Variants in UBXN2A observed in about 807,000 individuals in gnomAD.
UBXN2A encodes the protein UBX domain-containing protein 2A.
UBXN2A carries 28 observed loss-of-function variants against 28.4 expected under a neutral mutation model. The ratio of observed to expected loss-of-function variants is 0.99; its 90% CI spans 0.73 to 1.35. UBXN2A has a LOEUF of 1.35. UBXN2A is among the 40% of genes most tolerant of loss of function. The probability of loss-of-function intolerance (pLI) is 0.00; values close to 1 mark genes in which losing one functional copy is unlikely to be tolerated. For synonymous variants in UBXN2A, 97 were observed against 103.6 expected, an observed-to-expected ratio of 0.94 and a Z score of 0.39; for missense variants, 253 against 297.9, an observed-to-expected ratio of 0.85 and a Z score of 1.11.
chr2:23,971,267 C>T lies in UBXN2A; in HGVS notation c.42-9C>T, dbSNP rs769241736. The T allele has an allele frequency of 1.3e-6, 2 of 1,528,256 alleles. No individual in the cohort carries two copies. Among genetic ancestry groups the T allele is most frequent in the South Asian group, 1.3e-5 (1 of 75,504 alleles). 94.7% of individuals were successfully genotyped at this position (1,528,256 alleles called of 1,614,324 possible). On this transcript the variant is annotated splice_polypyrimidine_tract_variant and intron_variant, in intron 2 of 6. Transcript: ENST00000309033. ...GTTAATAGTGCCTGTTTTTCTTTAT[C>T]TTGTTTAGGGTTTGTGAAACAGGAT...
chr2:23,946,020 C>A (rs1477986274), intron 1 of UBXN2A, among the ~76,000 whole-genome samples: 2 of 151,822 alleles, frequency 1.3e-5, no homozygotes, highest in Non-Finnish European at 2.9e-5. Flanking sequence ...TTAGTAGGCA[C>A]AGGGTTTTGC....
At chr2:23,971,525 G>T in intron 3 of UBXN2A, 111 bp downstream of exon 3, 1 of 1,236,958 alleles carries the variant, frequency 8.1e-7, no homozygotes, top group Non-Finnish European at 1.1e-6. Flanking sequence ...GTCTTTCTCT[G>T]TCACCCAGAC....
chr2:24,000,140 T>G lies in UBXN2A; in HGVS notation c.*273T>G, dbSNP rs1428971149. 2.6e-6 allele frequency: 1 copy of G among 380,124 alleles called. No homozygotes were observed. Among genetic ancestry groups the G allele is most frequent in the African/African-American group, 2.1e-5 (1 of 48,620 alleles). The allele number at this position is 380,124 out of a possible 1,614,324, so 23.5% of individuals were successfully genotyped here. ...ATCAAGATATATTAAATAGCTGTAT[T>G]GTTTAGAATCTTAATATGGTATAAA... On this transcript the variant is annotated 3_prime_UTR_variant, in exon 7 of 7. Transcript: ENST00000309033.
At chr2:23,973,561 A>G (rs1175790198) in intron 3 of UBXN2A, among the ~76,000 whole-genome samples, 1 of 150,160 alleles carries the variant, frequency 6.7e-6, no homozygotes, top group Non-Finnish European at 1.5e-5. Context: ...GATGGTTTCA[A>G]TCTCCTGACC....
intron 1 of UBXN2A, among the ~76,000 whole-genome samples, chr2:23,932,010 CAAAAAA>C (rs959769962): frequency 7.6e-6 from 1 of 131,234 alleles, no homozygotes; most frequent in Non-Finnish European, 1.6e-5. Flanking sequence ...GACTCCGTCT[CAAAAAA>C]AAAAAAGAAA....
chr2:23,950,353 T>C (rs760602019), intron 1 of UBXN2A, among the ~76,000 whole-genome samples: 1 of 152,152 alleles, frequency 6.6e-6, no homozygotes, highest in Admixed American at 6.6e-5. Flanking sequence ...TTTGAGATAA[T>C]GAAGACCAGA....
chr2:23,957,856 T>G (rs1418991319), intron 1 of UBXN2A, among the ~76,000 whole-genome samples: 1 of 151,930 alleles, frequency 6.6e-6, no homozygotes, highest in East Asian at 1.9e-4. Flanking sequence ...AATAAATAAA[T>G]AATAAATGTG....
At chr2:23,959,419 G>C (rs1558288508) in intron 2 of UBXN2A, among the ~76,000 whole-genome samples, 1 of 152,082 alleles carries the variant, frequency 6.6e-6, no homozygotes, top group East Asian at 1.9e-4. Flanking sequence ...TTGAACCTTA[G>C]AGGTGGAGGT....
intron 3 of UBXN2A, among the ~76,000 whole-genome samples, chr2:23,976,263 T>G (rs915490451): frequency 1.3e-5 from 2 of 152,210 alleles, no homozygotes; most frequent in African/African-American, 4.8e-5. Flanking sequence ...AAGATTGCGG[T>G]GAAACCCTTC....
chr2:23,955,078 A>G (rs1325207485), intron 1 of UBXN2A, among the ~76,000 whole-genome samples: 1 of 151,762 alleles, frequency 6.6e-6, no homozygotes, highest in African/African-American at 2.4e-5. Context: ...GATTACAGGC[A>G]TGCACCGCCA....
chr2:23,970,853 G>A (rs1340224776), intron 2 of UBXN2A, among the ~76,000 whole-genome samples: 2 of 151,936 alleles, frequency 1.3e-5, no homozygotes, highest in African/African-American at 4.8e-5. Flanking sequence ...TGCTCCTATG[G>A]GAATCTAATG....
chr2:23,994,026 C>T (rs149175425), intron 6 of UBXN2A, among the ~76,000 whole-genome samples: 1 of 152,166 alleles, frequency 6.6e-6, no homozygotes, highest in Non-Finnish European at 1.5e-5. Context: ...GATGAATTCT[C>T]TTAGCTTTGA....
chr2:23,933,128 T>TA (rs1425788029), intron 1 of UBXN2A, among the ~76,000 whole-genome samples: 2 of 149,086 alleles, frequency 1.3e-5, no homozygotes, highest in African/African-American at 5.0e-5. Flanking sequence ...TAAATTAAAT[T>TA]AAAAAATAAA....
At chr2:23,960,755 C>A (rs1706866781) in intron 2 of UBXN2A, among the ~76,000 whole-genome samples, 1 of 152,036 alleles carries the variant, frequency 6.6e-6, no homozygotes, top group Non-Finnish European at 1.5e-5. Flanking sequence ...GCCTCAGCCT[C>A]CCGAGTGGCT....
chr2:23,940,066 C>T (rs956974248), upstream of UBXN2A, among the ~76,000 whole-genome samples: 1 of 146,426 alleles, frequency 6.8e-6, no homozygotes, highest in African/African-American at 2.6e-5. Flanking sequence ...GCCAAGATCG[C>T]GCCATTGTAT....
intron 1 of UBXN2A, among the ~76,000 whole-genome samples, chr2:23,950,971 G>C (rs998509806): frequency 6.6e-6 from 1 of 152,120 alleles, no homozygotes; most frequent in Non-Finnish European, 1.5e-5. Flanking sequence ...GAGCCACCAT[G>C]CCTGGCCTAT....
intron 6 of UBXN2A, among the ~76,000 whole-genome samples, chr2:23,987,676 G>A (rs55721134): frequency 0.079 from 11,920 of 151,626 alleles, 603 homozygotes; most frequent in Middle Eastern, 0.12. Context: ...TACTCGGGAG[G>A]CTGAGGCAGG....
chr2:23,961,628 A>T (rs1193000348), intron 2 of UBXN2A, among the ~76,000 whole-genome samples: 1 of 130,890 alleles, frequency 7.6e-6, no homozygotes, highest in Admixed American at 9.8e-5. Context: ...GCTCATTGCA[A>T]CCTCCGCCTC....
At chr2:23,956,729 G>C (rs759544670) in intron 1 of UBXN2A, among the ~76,000 whole-genome samples, 5 of 152,166 alleles carry the variant, frequency 3.3e-5, no homozygotes, top group Non-Finnish European at 7.4e-5. Flanking sequence ...CAGCCCTGAA[G>C]TTATCCTTTT....
Sources: gnomAD v4.1 joint callset for allele counts (sites outside exome capture counted in the v4.1 genomes callset) on GRCh38, gnomAD v4.1.1 for gene constraint, MANE v1.5 for transcripts, NCBI Gene and HGNC (gene_info 2026-07-23, HGNC 2026-07-21) for gene names.